The following BRINP3 variants were observed in gnomAD, a reference collection of about 807,000 sequenced individuals.
The protein encoded by BRINP3 is BMP/retinoic acid inducible neural specific 3, also known as BMP/retinoic acid-inducible neural-specific protein 3.
A neutral mutation model predicts 71.0 loss-of-function variants in BRINP3; 19 were observed. The observed-to-expected ratio is 0.27, with a 90% CI of 0.19 to 0.39. The LOEUF (loss-of-function observed/expected upper bound fraction) is 0.39, where lower values mean the gene tolerates loss of function less well. Among genes scored for constraint, BRINP3 ranks in the 10% least tolerant of loss-of-function variants. The pLI is 1.00. For synonymous variants in BRINP3, 380 were observed against 337.7 expected, an observed-to-expected ratio of 1.13 and a Z score of -1.37; for missense variants, 959 against 940.8, an observed-to-expected ratio of 1.02 and a Z score of -0.25.
At chr1:190,136,304 A>T (rs1472096016) in intron 7 of BRINP3, among the ~76,000 whole-genome samples, 2 of 152,236 alleles carry the variant, frequency 1.3e-5, no homozygotes, top group East Asian at 3.9e-4. Flanking sequence ...GCACTTAAAG[A>T]TCTAACAACC....
At chr1:190,427,312 A>C (rs1673776585) in intron 2 of BRINP3, among the ~76,000 whole-genome samples, 1 of 152,082 alleles carries the variant, frequency 6.6e-6, no homozygotes, top group East Asian at 1.9e-4. Flanking sequence ...AAACTCTTTT[A>C]AAATACTCTG....
intron 4 of BRINP3, among the ~76,000 whole-genome samples, chr1:190,263,622 C>A (rs936947603): frequency 6.9e-6 from 1 of 144,498 alleles, no homozygotes; most frequent in South Asian, 2.2e-4. Flanking sequence ...CAGAGTCTCG[C>A]TCTGTCGCCC....
chr1:190,132,071 C>A (rs1401852444), intron 7 of BRINP3, among the ~76,000 whole-genome samples: 1 of 151,978 alleles, frequency 6.6e-6, no homozygotes, highest in African/African-American at 2.4e-5. Context: ...TTATAATATT[C>A]TTTAGTATAA....
At chr1:190,265,554 A>ATG (rs1661582590) in intron 3 of BRINP3, among the ~76,000 whole-genome samples, 1 of 147,542 alleles carries the variant, frequency 6.8e-6, no homozygotes, top group Admixed American at 6.8e-5. Flanking sequence ...ATATATATAT[A>ATG]TATATATAAA....
chr1:190,165,007 G>T (rs528929507), intron 6 of BRINP3, among the ~76,000 whole-genome samples: 1 of 151,822 alleles, frequency 6.6e-6, no homozygotes, highest in African/African-American at 2.4e-5. Flanking sequence ...CAGTAGAAAT[G>T]ACAATGCAAT....
intron 7 of BRINP3, among the ~76,000 whole-genome samples, chr1:190,150,051 A>C (rs1357565629): frequency 6.6e-6 from 1 of 151,624 alleles, no homozygotes; most frequent in Admixed American, 6.6e-5. Context: ...AGTGCTTCAC[A>C]TTTTTTTTCA....
intron 6 of BRINP3, among the ~76,000 whole-genome samples, chr1:190,174,964 C>T (rs764994223): frequency 6.6e-5 from 10 of 151,988 alleles, no homozygotes. Flanking sequence ...CTTCTCTGAC[C>T]ATAGCTCTGA....
intron 3 of BRINP3, among the ~76,000 whole-genome samples, chr1:190,269,709 T>C (rs917533133): frequency 1.3e-5 from 2 of 152,064 alleles, no homozygotes; most frequent in African/African-American, 4.8e-5. Flanking sequence ...CTATATTACT[T>C]TGCAATGACA....
intron 1 of BRINP3, among the ~76,000 whole-genome samples, chr1:190,473,732 G>A (rs1677304036): frequency 6.7e-6 from 1 of 150,050 alleles, no homozygotes; most frequent in South Asian, 2.1e-4. Flanking sequence ...AACTGAAAAT[G>A]TAAAATAAAT....
chr1:190,320,789 A>T (rs1287718692), intron 2 of BRINP3, among the ~76,000 whole-genome samples: 1 of 152,050 alleles, frequency 6.6e-6, no homozygotes, highest in Admixed American at 6.6e-5. Flanking sequence ...GATAAAACCC[A>T]TGCAGATATG....
At chr1:190,210,010 T>C (rs1655848720) in intron 6 of BRINP3, among the ~76,000 whole-genome samples, 1 of 152,094 alleles carries the variant, frequency 6.6e-6, no homozygotes, top group African/African-American at 2.4e-5. Flanking sequence ...AAGTTAAATT[T>C]ATATACACAT....
intron 2 of BRINP3, among the ~76,000 whole-genome samples, chr1:190,415,381 C>T (rs1454359006): frequency 6.6e-6 from 1 of 152,070 alleles, no homozygotes; most frequent in East Asian, 1.9e-4. Context: ...CACTAATTTG[C>T]AAGCCTTCAA....
chr1:190,196,395 G>A (rs1654482397), intron 6 of BRINP3, among the ~76,000 whole-genome samples: 3 of 151,968 alleles, frequency 2.0e-5, no homozygotes, highest in Non-Finnish European at 4.4e-5. Context: ...CTATCTTCCT[G>A]GACATTTCAA....
intron 7 of BRINP3, among the ~76,000 whole-genome samples, chr1:190,129,098 A>C (rs1654321076): frequency 6.6e-6 from 1 of 151,844 alleles, no homozygotes; most frequent in Non-Finnish European, 1.5e-5. Context: ...TCCTTTTCCA[A>C]AGCATAAATA....
intron 2 of BRINP3, among the ~76,000 whole-genome samples, chr1:190,287,041 A>C (rs2102953410): frequency 1.3e-5 from 2 of 151,286 alleles, no homozygotes; most frequent in African/African-American, 4.9e-5. Flanking sequence ...CAACATGGTG[A>C]AACCCTGTCT....
At chr1:190,457,595 G>A (rs1375124036) in intron 1 of BRINP3, among the ~76,000 whole-genome samples, 1 of 152,118 alleles carries the variant, frequency 6.6e-6, no homozygotes, top group Non-Finnish European at 1.5e-5. Context: ...TATAAAAATA[G>A]AGTGAGTTAA....
intron 2 of BRINP3, among the ~76,000 whole-genome samples, chr1:190,374,540 G>C (rs1670067004): frequency 6.8e-6 from 1 of 146,384 alleles, no homozygotes; most frequent in Admixed American, 6.7e-5. Context: ...TTTAAACTTG[G>C]CAATTTCACT....
At chr1:190,387,240 T>G (rs759532446) in intron 2 of BRINP3, among the ~76,000 whole-genome samples, 3 of 151,930 alleles carry the variant, frequency 2.0e-5, no homozygotes, top group Admixed American at 6.6e-5. Context: ...AAATGAAAAT[T>G]TTTGGATATA....
chr1:190,126,979 C>G (rs963147775), intron 7 of BRINP3, among the ~76,000 whole-genome samples: 2 of 151,746 alleles, frequency 1.3e-5, no homozygotes, highest in African/African-American at 4.8e-5. Flanking sequence ...GGTAATGTGA[C>G]TCTTACAAAA....
Sources: allele counts gnomAD v4.1 joint callset (sites outside exome capture counted in the v4.1 genomes callset), GRCh38; gene constraint gnomAD v4.1.1; transcripts MANE v1.5; gene names NCBI Gene and HGNC (gene_info 2026-07-23, HGNC 2026-07-21).